Variants in DST observed in about 807,000 individuals in gnomAD.
DST encodes the protein dystonin, also known as bullous pemphigoid antigen.
In DST, 253 loss-of-function variants were observed where a neutral mutation model predicts 875.2. The ratio of observed to expected loss-of-function variants is 0.29; its 90% confidence interval spans 0.26 to 0.32. The LOEUF (loss-of-function observed/expected upper bound fraction) is 0.32, where lower values mean the gene tolerates loss of function less well. DST is among the 10% of genes least tolerant of loss of function. The pLI, the probability that DST is intolerant of heterozygous loss-of-function variation, is 1.00. For missense variants in DST, 8,287 were observed against 9,111.6 expected (o/e 0.91, Z 3.68); for synonymous variants, 3,124 against 3,197.1 (o/e 0.98, Z 0.77).
At chr6:56,805,892 T>C (rs971846460) in intron 4 of DST, among the ~76,000 whole-genome samples, 1 of 152,230 alleles carries the variant, frequency 6.6e-6, no homozygotes, top group Admixed American at 6.5e-5. Context: ...TACAGACTCT[T>C]TCTGAAGTTA....
chr6:56,614,489 C>T lies in DST; in HGVS notation c.4930-5G>A. The T allele has an allele frequency of 6.3e-6, 10 of 1,593,794 alleles. No individual in the cohort carries two copies. The highest frequency in any genetic ancestry group is 8.5e-6 in the Non-Finnish European group (10 of 1,171,332). ...CTTTTCTTCTTCCAGTGACTTCTGA[C>T]AGTTGTGAGCGGTAAGAAAAATATA... On this transcript the variant is annotated splice_region_variant and splice_polypyrimidine_tract_variant and intron_variant, in intron 36 of 103. Coordinates refer to ENST00000680361, the MANE Select transcript of DST (RefSeq NM_001374736.1).
chr6:56,615,212 A>C (rs1328089530), intron 36 of DST: 52 of 1,179,814 alleles, frequency 4.4e-5, no homozygotes. Flanking sequence ...AAGAAATGAC[A>C]CTGTGAACTT....
At chr6:56,637,414 C>T (rs951572027) in intron 22 of DST, among the ~76,000 whole-genome samples, 2 of 152,084 alleles carry the variant, frequency 1.3e-5, no homozygotes, top group African/African-American at 4.8e-5. Flanking sequence ...TGTTTTCTTT[C>T]GTGGCACATT....
At chr6:56,654,079 T>C (rs906041029) in intron 10 of DST, among the ~76,000 whole-genome samples, 3 of 152,214 alleles carry the variant, frequency 2.0e-5, no homozygotes, top group Non-Finnish European at 4.4e-5. Context: ...ATATTTTAGA[T>C]AGTTGAACAT....
At chr6:56,745,804 G>C (rs1226070157) in intron 4 of DST, among the ~76,000 whole-genome samples, 1 of 152,092 alleles carries the variant, frequency 6.6e-6, no homozygotes, top group Admixed American at 6.6e-5. Flanking sequence ...ATTCATAGAA[G>C]AAATGCAAAT....
chr6:56,751,339 A>G (rs533970696), intron 4 of DST, among the ~76,000 whole-genome samples: 6 of 152,172 alleles, frequency 3.9e-5, no homozygotes, highest in Non-Finnish European at 8.8e-5. Flanking sequence ...AAAAGATTAT[A>G]AGGGGATATG....
chr6:56,524,814 G>A (rs1380242836), intron 69 of DST, among the ~76,000 whole-genome samples: 5 of 152,018 alleles, frequency 3.3e-5, no homozygotes, highest in South Asian at 2.1e-4. Flanking sequence ...CTTTCAAGAC[G>A]AAGACTGGAA....
intron 9 of DST, among the ~76,000 whole-genome samples, chr6:56,678,878 G>A (rs574227548): frequency 5.3e-5 from 8 of 152,058 alleles, no homozygotes; most frequent in East Asian, 1.9e-4. Context: ...AATTGCTGCC[G>A]CCAGAGACTC....
intron 2 of DST, among the ~76,000 whole-genome samples, chr6:56,938,082 TTC>T (rs144019912): frequency 0.012 from 1,606 of 131,660 alleles, 15 homozygotes; most frequent in South Asian, 0.018. Flanking sequence ...CTCTCTCTCT[TTC>T]TCTCTCTCTC....
chr6:56,529,466 C>T lies in DST; in HGVS notation c.17577G>A (p.Lys5859=), dbSNP rs2152511460. Residue 5859 remains lysine, a synonymous_variant, in exon 66 of 104, where the codon AAG becomes AAA. Transcript: ENST00000680361. ...AAAATACCCGAAGTTCAGACTGCTG[C>T]TTCCATAGCCCCTCAGTGCTGTAAT... The part of the protein sequence containing the change: ...VQDYSTEGLW[K]QQSELRVLQE... The T allele has an allele frequency of 1.3e-6, 2 of 1,492,630 alleles. No individual in the cohort carries two copies. Among genetic ancestry groups the T allele is most frequent in the East Asian group, 2.4e-5 (1 of 42,254 alleles). The allele number at this position is 1,492,630 out of a possible 1,614,324, so 92.5% of individuals were successfully genotyped here.
chr6:56,783,471 T>C (rs2099698539), intron 4 of DST, among the ~76,000 whole-genome samples: 1 of 152,184 alleles, frequency 6.6e-6, no homozygotes, highest in African/African-American at 2.4e-5. Context: ...CCCTTTACCA[T>C]TACGTAATGG....
chr6:56,766,978 A>T (rs528184584), intron 4 of DST, among the ~76,000 whole-genome samples: 11 of 152,310 alleles, frequency 7.2e-5, no homozygotes, highest in Middle Eastern at 6.8e-3. Flanking sequence ...GCTACTCTTA[A>T]ATAACACAGT....
At chr6:56,900,776 G>T (rs1793672901) in intron 2 of DST, among the ~76,000 whole-genome samples, 155 bp from the exon 3 acceptor site, 1 of 150,798 alleles carries the variant, frequency 6.6e-6, no homozygotes, top group Non-Finnish European at 1.5e-5. Context: ...TAACGTGCAA[G>T]TTAAGTTTTC....
At chr6:56,778,637 G>C (rs1327045179) in intron 4 of DST, among the ~76,000 whole-genome samples, 2 of 147,060 alleles carry the variant, frequency 1.4e-5, no homozygotes, top group African/African-American at 5.1e-5. Context: ...TGTGGTGTTT[G>C]GTTTTTTGTC....
chr6:56,515,285 A>C (rs2096567571), intron 72 of DST, among the ~76,000 whole-genome samples, 165 bp downstream of exon 72: 1 of 152,176 alleles, frequency 6.6e-6, no homozygotes, highest in Admixed American at 6.6e-5. Flanking sequence ...TCTCACTATA[A>C]CCCTGTATAA....
intron 71 of DST, among the ~76,000 whole-genome samples, chr6:56,516,056 A>G (rs1256432609): frequency 6.6e-6 from 1 of 151,980 alleles, no homozygotes; most frequent in East Asian, 1.9e-4. Flanking sequence ...TTAATTATAT[A>G]TATACACACA....
intron 12 of DST, 23 bp downstream of exon 12, chr6:56,650,903 G>A (rs902685924): frequency 4.1e-6 from 6 of 1,458,508 alleles, no homozygotes; most frequent in Admixed American, 1.8e-5. Context: ...AACAGCTTCC[G>A]GTGTGGAAAA....
At chr6:56,523,447 G>A (rs1236017216) in intron 69 of DST, among the ~76,000 whole-genome samples, 1 of 152,112 alleles carries the variant, frequency 6.6e-6, no homozygotes, top group African/African-American at 2.4e-5. Flanking sequence ...GAAGGTATCT[G>A]TATGTTCCCT....
rs139947035 is a variant in DST at position 56,852,780 on chromosome 6, C to T, written c.418-1176G>A. Among the ~76,000 whole-genome samples, 523 of 152,318 alleles carry T rather than the reference C, an allele frequency of 3.4e-3. 3 individuals are homozygous for T. The highest frequency in any genetic ancestry group is 0.012 in the African/African-American group (507 of 41,564). ...TATAACTCGAATTCCTGAAATGTAACTTGCAGCCATGGATTCCTAAGAAGC... is the reference window on the plus strand; with the variant it reads ...TATAACTCGAATTCCTGAAATGTAATTTGCAGCCATGGATTCCTAAGAAGC... On this transcript the variant is annotated intron_variant, in intron 3 of 103. Transcript: ENST00000680361.
Sources: gnomAD v4.1 joint callset for allele counts (sites outside exome capture counted in the v4.1 genomes callset) on GRCh38, gnomAD v4.1.1 for gene constraint, MANE v1.5 for transcripts, NCBI Gene and HGNC (gene_info 2026-07-23, HGNC 2026-07-21) for gene names.